The following ADAM23 variants were observed in gnomAD, a reference collection of about 807,000 sequenced individuals.
The protein encoded by ADAM23 is ADAM metallopeptidase domain 23.
ADAM23 carries 33 observed loss-of-function variants against 120.1 expected under a neutral mutation model. The ratio of observed to expected loss-of-function variants is 0.27; its 90% CI spans 0.21 to 0.37. The LOEUF (loss-of-function observed/expected upper bound fraction) is 0.37, where lower values mean the gene tolerates loss of function less well. ADAM23 is among the 10% of genes least tolerant of loss of function. ADAM23 has a pLI of 1.00. For synonymous variants in ADAM23, 367 were observed against 375.2 expected (o/e 0.98, Z 0.25); for missense variants, 862 against 1,058.2 (o/e 0.81, Z 2.57).
rs1695063532 is a variant in ADAM23, at chr2:206,445,501, A to G, written c.409A>G (p.Arg137Gly). The G allele has an allele frequency of 1.2e-6, 2 of 1,613,968 alleles. No homozygotes were observed. Among genetic ancestry groups the G allele is most frequent in the East Asian group, 4.5e-5 (2 of 44,884 alleles). Residue 137 changes from arginine to glycine, a missense_variant, in exon 2 of 26, where the codon AGA becomes GGA. Around this residue, in one of 4 missense-constraint regions of ADAM23, gnomAD observed 225 missense variants for 204.0 expected, o/e 1.10. Transcript: ENST00000264377. ...SPYHVLDTKA[R>G]HQQKHNKAVH... ...TTATCACGTTCTTGACACAAAGGCAAGACACCAGCAAAAACATAATAAGGT... is the reference window on the plus strand; with the variant it reads ...TTATCACGTTCTTGACACAAAGGCAGGACACCAGCAAAAACATAATAAGGT...
In ADAM23 at chr2:206,550,257, C is replaced by T. The variant is rs890646810; in HGVS notation, c.933+97C>T. ...TAATCATTATTTTTTACTTATTAAC[C>T]CCAAGATATTCAGACATATTAAGTG... On this transcript the variant is annotated intron_variant, in intron 9 of 25. Transcript: ENST00000264377. The T allele has an allele frequency of 9.3e-6, 6 of 644,304 alleles. No individual in the cohort carries two copies. In the South Asian group the frequency reaches 2.2e-4, roughly 23 times the overall value. 39.9% of individuals were successfully genotyped at this position (644,304 alleles called of 1,614,324 possible). A position where few individuals can be genotyped will look rare whatever the true frequency, so the allele number is the denominator to read the frequency against.
chr2:206,445,913 A>G (rs1695073673), intron 2 of ADAM23, among the ~76,000 whole-genome samples: 1 of 152,236 alleles, frequency 6.6e-6, no homozygotes, highest in Non-Finnish European at 1.5e-5. Context: ...TTCAATCTGC[A>G]CATGCAAGAT....
rs1289698655 is a variant in ADAM23, at chr2:206,497,588, G to A, written c.509+16280G>A. On this transcript the variant is annotated intron_variant, in intron 3 of 25. Coordinates refer to ENST00000264377, the MANE Select transcript of ADAM23 (RefSeq NM_003812.4). ...ACTGGAAGCATTCCCTTTGAAAACTGGCACAAGACAGGGATGCCCTCTCTC... is the reference window on the plus strand; with the variant it reads ...ACTGGAAGCATTCCCTTTGAAAACTAGCACAAGACAGGGATGCCCTCTCTC... Among the ~76,000 whole-genome samples, 8 of 152,220 alleles carry A rather than the reference G, an allele frequency of 5.3e-5. No homozygotes were observed. The South Asian group carries it at 1.0e-3, about 20-fold the overall frequency.
intron 3 of ADAM23, among the ~76,000 whole-genome samples, chr2:206,494,791 T>C (rs915300947): frequency 1.3e-5 from 2 of 152,114 alleles, no homozygotes; most frequent in Admixed American, 6.6e-5. Flanking sequence ...ACTACTGATA[T>C]TTTAGCTGAG....
chr2:206,566,210 TAATAA>T (rs1697874956), intron 14 of ADAM23, among the ~76,000 whole-genome samples: 1 of 148,700 alleles, frequency 6.7e-6, no homozygotes, highest in Middle Eastern at 3.6e-3. Flanking sequence ...ATATTTTATA[TAATAA>T]AATATATAAA....
intron 18 of ADAM23, among the ~76,000 whole-genome samples, chr2:206,577,368 C>T (rs920826348): frequency 2.1e-5 from 3 of 142,580 alleles, no homozygotes; most frequent in African/African-American, 5.3e-5. Context: ...CCCACTAACT[C>T]GTCATCTAGC....
At chr2:206,484,973 C>T (rs13401267) in intron 3 of ADAM23, among the ~76,000 whole-genome samples, 2,566 of 152,292 alleles carry the variant, frequency 0.017, 32 homozygotes, top group African/African-American at 0.024. Context: ...TCCTCCTTCA[C>T]CTTCTGCCAT....
At chr2:206,549,154 CT>C in intron 8 of ADAM23, among the ~76,000 whole-genome samples, 1 of 151,646 alleles carries the variant, frequency 6.6e-6, no homozygotes, top group East Asian at 1.9e-4. Context: ...TAATGTTTTG[CT>C]GAGTGTATTT....
rs10167274 is a variant in ADAM23 at position 206,505,772 on chromosome 2, G to A, written c.509+24464G>A. On this transcript the variant is annotated intron_variant, in intron 3 of 25. Transcript: ENST00000264377. The stretch of plus-strand genomic sequence containing the variant: ...AAACCATATTACTATTATTATCCCC[G>A]TTTGCAGATGATGAAACTGAGGCAT... Among the ~76,000 whole-genome samples the A allele has an allele frequency of 3.8e-3, 584 of 152,232 alleles. 3 individuals are homozygous for A. The highest frequency in any genetic ancestry group is 0.013 in the African/African-American group (556 of 41,542).
At chr2:206,457,161 A>G (rs1695317754) in intron 2 of ADAM23, among the ~76,000 whole-genome samples, 2 of 152,214 alleles carry the variant, frequency 1.3e-5, no homozygotes, top group South Asian at 2.1e-4. Context: ...ATGCATTGGT[A>G]ATAAATATAA....
chr2:206,608,747 C>T (rs576402264), intron 24 of ADAM23, among the ~76,000 whole-genome samples: 1 of 152,162 alleles, frequency 6.6e-6, no homozygotes, highest in East Asian at 1.9e-4. Context: ...CGAATAAAAA[C>T]ACATTATGCA....
In ADAM23 at chr2:206,580,115, A is replaced by G. The variant is rs539358468; in HGVS notation, c.1737+6920A>G. Among the ~76,000 whole-genome samples the G allele has an allele frequency of 5.9e-5, 9 of 151,914 alleles. No individual in the cohort carries two copies. The South Asian group carries it at 1.5e-3, about 25-fold the overall frequency. On this transcript the variant is annotated intron_variant, in intron 18 of 25. Coordinates refer to ENST00000264377, the MANE Select transcript of ADAM23 (RefSeq NM_003812.4). ...CTTTTATCAGTTCTAGGAGCTTTCT[A>G]GAGGAGTCCTTAGGGTTTTCAAGGT...
At chr2:206,591,523 A>G (rs1192494540) in intron 21 of ADAM23, among the ~76,000 whole-genome samples, 2 of 152,210 alleles carry the variant, frequency 1.3e-5, no homozygotes, top group South Asian at 2.1e-4. Context: ...ATGAATGAAT[A>G]TACTATACTT....
Position 206,619,917 on chromosome 2 carries a change from T to C in ADAM23, c.*2290T>C, listed in dbSNP as rs191880628. The C allele has an allele frequency of 1.3e-5, 2 of 152,332 alleles. No individual in the cohort carries two copies. Among genetic ancestry groups the C allele is most frequent in the East Asian group, 1.9e-4 (1 of 5,182 alleles). 9.4% of individuals were successfully genotyped at this position (152,332 alleles called of 1,614,324 possible). ...CCTCTCAGCCTTACTCCTGGCTTCA[T>C]AGGACACAGGTAGCATCCCTCTAGT... On this transcript the variant is annotated 3_prime_UTR_variant, in exon 26 of 26. Coordinates refer to ENST00000264377, the MANE Select transcript of ADAM23 (RefSeq NM_003812.4).
intron 3 of ADAM23, among the ~76,000 whole-genome samples, chr2:206,517,720 G>A (rs940266604): frequency 2.6e-5 from 4 of 152,118 alleles, no homozygotes; most frequent in Non-Finnish European, 5.9e-5. Context: ...CAACCTTGGT[G>A]TGGCTTTCCT....
chr2:206,604,370 T>A (rs1044484664), intron 24 of ADAM23, among the ~76,000 whole-genome samples: 5 of 152,226 alleles, frequency 3.3e-5, no homozygotes, highest in Non-Finnish European at 7.3e-5. Context: ...TGAGGCTTCA[T>A]ATTTTGAATA....
chr2:206,535,560 C>T, intron 4 of ADAM23, among the ~76,000 whole-genome samples: 1 of 152,158 alleles, frequency 6.6e-6, no homozygotes. Context: ...CCCTAAATGT[C>T]CTTCAATTGT....
intron 4 of ADAM23, among the ~76,000 whole-genome samples, chr2:206,534,481 CTT>C (rs879312583): frequency 1.4e-5 from 2 of 144,686 alleles, no homozygotes. Flanking sequence ...ACATAGTTAT[CTT>C]TTTTTTTTTT....
chr2:206,549,653 C>T (rs1429742302), intron 8 of ADAM23, among the ~76,000 whole-genome samples: 1 of 151,748 alleles, frequency 6.6e-6, no homozygotes, highest in African/African-American at 2.4e-5. Context: ...TCAGATATAT[C>T]TGGAAGTAAT....
Sources: gnomAD v4.1 joint callset for allele counts (sites outside exome capture counted in the v4.1 genomes callset) on GRCh38, gnomAD v4.1.1 for gene constraint, gnomAD v4.1.1 regional missense constraint, MANE v1.5 for transcripts, NCBI Gene and HGNC (gene_info 2026-07-23, HGNC 2026-07-21) for gene names.